PLXNC1: variants seen among roughly 807,000 people sequenced by gnomAD.
The protein encoded by PLXNC1 is plexin C1, also known as plexin-C1.
Under a neutral mutation model 178.2 loss-of-function variants are expected in PLXNC1, and 75 were observed. The ratio of observed to expected loss-of-function variants is 0.42; its 90% CI spans 0.35 to 0.51. The LOEUF (loss-of-function observed/expected upper bound fraction) is 0.51. PLXNC1 is among the 20% of genes least tolerant of loss of function. The pLI, the probability that PLXNC1 is intolerant of heterozygous loss-of-function variation, is 0.02. For synonymous variants in PLXNC1, 790 were observed against 779.9 expected (o/e 1.01, Z -0.22); for missense variants, 1,503 against 1,984.4 (o/e 0.76, Z 4.61).
At chr12:94,241,867 T>C (rs1445140524) in intron 11 of PLXNC1, among the ~76,000 whole-genome samples, 10 of 152,112 alleles carry the variant, frequency 6.6e-5, no homozygotes, top group Admixed American at 5.2e-4. Context: ...ATATTTTTAT[T>C]CCTAAATCTC....
At chr12:94,272,794 G>A (rs1965657880) in intron 21 of PLXNC1, among the ~76,000 whole-genome samples, 1 of 152,232 alleles carries the variant, frequency 6.6e-6, no homozygotes, top group African/African-American at 2.4e-5. Context: ...ATGTCCTTGG[G>A]TGGCACCGGA....
intron 4 of PLXNC1, among the ~76,000 whole-genome samples, chr12:94,203,274 A>G (rs1963197192): frequency 2.0e-5 from 3 of 152,230 alleles, no homozygotes; most frequent in Admixed American, 6.5e-5. Context: ...ATCCTTCAAC[A>G]AAAAAGCTGG....
At chr12:94,172,722 A>G (rs1226547568) in intron 2 of PLXNC1, among the ~76,000 whole-genome samples, 1 of 152,182 alleles carries the variant, frequency 6.6e-6, no homozygotes, top group Non-Finnish European at 1.5e-5. Flanking sequence ...TAACTATATC[A>G]TATTCTATTA....
At position 94,297,304 on chromosome 12, in the gene PLXNC1, T is replaced by C. The variant is rs1322490740; in HGVS notation, c.3967-12T>C. 12 of 1,613,026 alleles carry C rather than the reference T, an allele frequency of 7.4e-6. No homozygotes were observed. Among genetic ancestry groups the C allele is most frequent in the Non-Finnish European group, 9.3e-6 (11 of 1,178,972 alleles). On this transcript the variant is annotated splice_polypyrimidine_tract_variant and intron_variant, in intron 25 of 30. Coordinates refer to ENST00000258526, the MANE Select transcript of PLXNC1 (RefSeq NM_005761.3). ...GTCTCCTTGGGTAACGCTTCTGCTG[T>C]CTTCCCTTCAGATTTTACCAGATTC...
chr12:94,250,374 C>T (rs1408530573), intron 14 of PLXNC1, among the ~76,000 whole-genome samples: 1 of 152,118 alleles, frequency 6.6e-6, no homozygotes, highest in Non-Finnish European at 1.5e-5. Context: ...TCCCAACATC[C>T]CATTTCAGAG....
At chr12:94,224,481 C>T (rs1565818203) in intron 7 of PLXNC1, among the ~76,000 whole-genome samples, 166 bp downstream of exon 7, 1 of 152,138 alleles carries the variant, frequency 6.6e-6, no homozygotes, top group Admixed American at 6.5e-5. Context: ...TAATAAGCTC[C>T]GCTCGCACAT....
chr12:94,213,800 T>C (rs532158080), intron 5 of PLXNC1, among the ~76,000 whole-genome samples: 2 of 152,274 alleles, frequency 1.3e-5, no homozygotes, highest in African/African-American at 4.8e-5. Context: ...AACATTTAAG[T>C]CTTTAATCCA....
At position 94,237,701 on chromosome 12, in the gene PLXNC1, C is replaced by T; in HGVS notation, c.2018C>T (p.Ser673Leu). ...YIKSIEPQKV[S>L]TLGKSNVIVT... ...AAGTCCATTGAGCCACAGAAAGTAT[C>T]GACATTAGGGAAAAGCAACGTGATA... Residue 673 changes from serine to leucine, a missense_variant, in exon 10 of 31, where the codon TCG becomes TTG. This residue lies in a region of PLXNC1 where 615 missense variants were observed against 698.6 expected (regional missense o/e 0.88). Transcript: ENST00000258526. 6.2e-7 allele frequency: 1 copy of T among 1,613,554 alleles called. No individual in the cohort carries two copies. The highest frequency in any genetic ancestry group is 8.5e-7 in the Non-Finnish European group (1 of 1,179,642).
chr12:94,211,619 TATA>T (rs761373309), intron 5 of PLXNC1, among the ~76,000 whole-genome samples: 41 of 152,202 alleles, frequency 2.7e-4, no homozygotes, highest in Admixed American at 3.3e-4. Flanking sequence ...AAAACCTCCA[TATA>T]ATAAGAACCT....
intron 4 of PLXNC1, among the ~76,000 whole-genome samples, chr12:94,198,837 C>T (rs1963018735): frequency 6.6e-6 from 1 of 152,204 alleles, no homozygotes; most frequent in Non-Finnish European, 1.5e-5. Context: ...CACTGGGACA[C>T]CCTAAATCCA....
intron 1 of PLXNC1, among the ~76,000 whole-genome samples, chr12:94,155,587 C>G (rs931563249): frequency 6.6e-6 from 1 of 152,174 alleles, no homozygotes; most frequent in Non-Finnish European, 1.5e-5. Flanking sequence ...TTCCTTATTC[C>G]CTCCTCACTG....
chr12:94,197,235 A>AT (rs142458446), intron 4 of PLXNC1, among the ~76,000 whole-genome samples: 14,592 of 152,214 alleles, frequency 0.096, 799 homozygotes, highest in Middle Eastern at 0.17. Flanking sequence ...GTTTGAATGT[A>AT]TCCCCCAAAG....
chr12:94,253,038 C>T (rs566839083), intron 15 of PLXNC1, among the ~76,000 whole-genome samples: 1 of 151,880 alleles, frequency 6.6e-6, no homozygotes, highest in African/African-American at 2.4e-5. Flanking sequence ...TGGTGAAACC[C>T]TGTCTCTACT....
chr12:94,185,443 T>C (rs1962474271), intron 3 of PLXNC1, among the ~76,000 whole-genome samples: 1 of 152,210 alleles, frequency 6.6e-6, no homozygotes, highest in Non-Finnish European at 1.5e-5. Context: ...ACCTGCTGTG[T>C]GGTTTTGCCT....
At chr12:94,240,457 T>C (rs1565825352) in intron 10 of PLXNC1, 28 bp from the exon 11 acceptor site, 1 of 1,579,108 alleles carries the variant, frequency 6.3e-7, no homozygotes, top group Admixed American at 1.7e-5. Flanking sequence ...CTGTGTCATG[T>C]GAGAGTTCTT....
chr12:94,208,451 A>C (rs144843772), intron 4 of PLXNC1, among the ~76,000 whole-genome samples: 203 of 152,266 alleles, frequency 1.3e-3, no homozygotes, highest in Middle Eastern at 3.4e-3. Context: ...AGAGTAGAGA[A>C]AGGAGAAAAA....
chr12:94,299,214 A>G (rs1158012258), intron 27 of PLXNC1, among the ~76,000 whole-genome samples: 1 of 152,218 alleles, frequency 6.6e-6, no homozygotes, highest in Non-Finnish European at 1.5e-5. Flanking sequence ...GAAATTTATC[A>G]AGTGCAGTAC....
chr12:94,151,969 A>G (rs563242849), intron 1 of PLXNC1, among the ~76,000 whole-genome samples: 180 of 152,346 alleles, frequency 1.2e-3, no homozygotes, highest in African/African-American at 4.2e-3. Context: ...GGATAAACAC[A>G]TGCTGCCAAA....
At chr12:94,225,049 C>T (rs1227014861) in intron 7 of PLXNC1, among the ~76,000 whole-genome samples, 1 of 152,184 alleles carries the variant, frequency 6.6e-6, no homozygotes, top group Non-Finnish European at 1.5e-5. Flanking sequence ...GAACATGTTC[C>T]TGCTGCCCCC....
Sources: allele counts gnomAD v4.1 joint callset (sites outside exome capture counted in the v4.1 genomes callset), GRCh38; gene constraint gnomAD v4.1.1; regional missense constraint gnomAD v4.1.1; transcripts MANE v1.5; gene names NCBI Gene and HGNC (gene_info 2026-07-23, HGNC 2026-07-21).